IBA57: variants seen among roughly 807,000 people sequenced by gnomAD.
IBA57 encodes the protein iron-sulfur cluster assembly factor IBA57.
In IBA57, 20 loss-of-function variants were observed where a neutral mutation model predicts 20.4. The ratio of observed to expected loss-of-function variants is 0.98; its 90% confidence interval spans 0.69 to 1.42. The LOEUF (loss-of-function observed/expected upper bound fraction) is 1.42. Among genes scored for constraint, IBA57 ranks in the 40% most tolerant of loss-of-function variants. The pLI is 0.00. For missense variants in IBA57, 608 were observed against 499.3 expected (o/e 1.22, Z -2.07); for synonymous variants, 310 against 233.9 (o/e 1.33, Z -2.97).
rs949574745 is a variant in IBA57 at position 228,180,563 on chromosome 1, T to C, written c.*5050T>C. 1 of 152,136 alleles carries C rather than the reference T, an allele frequency of 6.6e-6. No individual in the cohort carries two copies. The highest frequency in any genetic ancestry group is 2.4e-5 in the African/African-American group (1 of 41,432). 9.4% of individuals were successfully genotyped at this position (152,136 alleles called of 1,614,324 possible). ...GATAATCTCTAAAAGAATGGAAATATATCTTCCAAACTATAGAGGGAAGAC... is the reference window on the plus strand; with the variant it reads ...GATAATCTCTAAAAGAATGGAAATACATCTTCCAAACTATAGAGGGAAGAC... On this transcript the variant is annotated 3_prime_UTR_variant, in exon 3 of 3. Coordinates refer to ENST00000366711, the MANE Select transcript of IBA57 (RefSeq NM_001010867.4).
In IBA57 at chr1:228,175,832, C is replaced by T; in HGVS notation, c.*319C>T. 3.9e-6 allele frequency: 1 copy of T among 254,806 alleles called. No homozygotes were observed. The highest frequency in any genetic ancestry group is 7.5e-6 in the Non-Finnish European group (1 of 134,052). The allele number at this position is 254,806 out of a possible 1,614,324, so 15.8% of individuals were successfully genotyped here. On this transcript the variant is annotated 3_prime_UTR_variant, in exon 3 of 3. Coordinates refer to ENST00000366711, the MANE Select transcript of IBA57 (RefSeq NM_001010867.4). ...TGGGAGGACGGGACGGTGTCTCTGG[C>T]CAGCACTGGCAGCTTCCGGGCCTTG...
chr1:228,175,563 C>T lies in IBA57; in HGVS notation c.*50C>T, dbSNP rs748046249. The T allele has an allele frequency of 3.3e-6, 5 of 1,516,224 alleles. No individual in the cohort carries two copies. The highest frequency in any genetic ancestry group is 1.4e-5 in the African/African-American group (1 of 71,878). 93.9% of individuals were successfully genotyped at this position (1,516,224 alleles called of 1,614,324 possible). ...TGATGGGGAGGCTGGGGCCTGGGGC[C>T]TTTGGCCTCTGTCCAGGGTCTTCCC... On this transcript the variant is annotated 3_prime_UTR_variant, in exon 3 of 3. Transcript: ENST00000366711.
chr1:228,166,169 C>T lies in IBA57; in HGVS notation c.341+12C>T, dbSNP rs1162027200. ...GTCATCTTGTACGGGTGAGCGCGTG[C>T]TGGGAGGGCGCTCGGGGGCGGGCAC... On this transcript the variant is annotated intron_variant, in intron 1 of 2. Transcript: ENST00000366711. The T allele has an allele frequency of 1.4e-6, 2 of 1,429,660 alleles. No individual in the cohort carries two copies. Among genetic ancestry groups the T allele is most frequent in the Admixed American group, 2.6e-5 (1 of 38,340 alleles). The allele number at this position is 1,429,660 out of a possible 1,614,324, so 88.6% of individuals were successfully genotyped here.
rs113022098 is a variant in IBA57, at chr1:228,173,875, T to C, written c.342-817T>C. The stretch of plus-strand genomic sequence containing the variant: ...TGCCAGTCCCTGGGCAAACAGGGTC[T>C]GTCTGCGCTGGCCCCTGTGAGCTCG... On this transcript the variant is annotated intron_variant, in intron 1 of 2. Transcript: ENST00000366711. 4.2e-3 allele frequency among the ~76,000 whole-genome samples: 635 copies of C among 152,336 alleles called. 8 individuals are homozygous for C. The highest frequency in any genetic ancestry group is 0.014 in the African/African-American group (580 of 41,572).
chr1:228,169,955 C>G (rs2034900720), intron 1 of IBA57, among the ~76,000 whole-genome samples: 1 of 152,132 alleles, frequency 6.6e-6, no homozygotes, highest in African/African-American at 2.4e-5. Flanking sequence ...CAACCTCTGC[C>G]TCCCAGGTTC....
intron 2 of IBA57, 39 bp downstream of exon 2, chr1:228,175,068 G>T (rs775746415): frequency 6.3e-7 from 1 of 1,577,812 alleles, no homozygotes. Flanking sequence ...GATTGCACGG[G>T]TGGAGCTGGA....
rs775373524 is a variant in IBA57 at position 228,175,319 on chromosome 1, A to G, written c.877A>G (p.Ile293Val). 1.9e-6 allele frequency: 3 copies of G among 1,612,618 alleles called. No homozygotes were observed. Among genetic ancestry groups the G allele is most frequent in the Non-Finnish European group, 8.5e-7 (1 of 1,179,900 alleles). Residue 293 changes from isoleucine to valine, a missense_variant, in exon 3 of 3, where the codon ATC (isoleucine) becomes GTC (valine). By Grantham distance (29) the Ile-to-Val change is conservative (BLOSUM62 3). Coordinates refer to ENST00000366711, the MANE Select transcript of IBA57 (RefSeq NM_001010867.4). ...CTTGGACCCCCTTCCCACCAGTGGC[A>G]TCACCCCTGGTGCCACGGTGCTGAC... Reference protein sequence around the residue: ...RFLDPLPTSGITPGATVLTAS... With the variant: ...RFLDPLPTSGVTPGATVLTAS...
intron 1 of IBA57, 25 bp downstream of exon 1, chr1:228,166,182 CG>C (rs1378686952): frequency 2.6e-6 from 3 of 1,162,550 alleles, no homozygotes; most frequent in Non-Finnish European, 2.2e-6. Flanking sequence ...GGAGGGCGCT[CG>C]GGGGCGGGCA....
rs2034902967 is a variant in IBA57 at position 228,170,136 on chromosome 1, T to G, written c.341+3979T>G. 1.3e-5 allele frequency among the ~76,000 whole-genome samples: 2 copies of G among 152,198 alleles called. No homozygotes were observed. The highest frequency in any genetic ancestry group is 6.5e-5 in the Admixed American group (1 of 15,282). On this transcript the variant is annotated intron_variant, in intron 1 of 2. Coordinates refer to ENST00000366711, the MANE Select transcript of IBA57 (RefSeq NM_001010867.4). The surrounding 1 kb of genome is among the most constrained non-coding windows in gnomAD (Gnocchi z 4.8). ...CGCCCGCCTCGGCCTCCCAAAGTGC[T>G]GGGATTACAGGCGTGAGCCACGGCG...
rs2035120045 is a variant in IBA57, at chr1:228,182,073, GT to G, written c.*6564del. ...GAGAAATGAAGGATTAATACATTTT[GT>G]TTTATGTCAGACTCTCTCAGTGAGA... is the stretch of plus-strand genomic sequence containing the variant. On this transcript the variant is annotated 3_prime_UTR_variant, in exon 3 of 3. Coordinates refer to ENST00000366711, the MANE Select transcript of IBA57 (RefSeq NM_001010867.4). The G allele has an allele frequency of 6.6e-6, 1 of 152,090 alleles. No individual in the cohort carries two copies. Among genetic ancestry groups the G allele is most frequent in the South Asian group, 2.1e-4 (1 of 4,830 alleles). 9.4% of individuals were successfully genotyped at this position (152,090 alleles called of 1,614,324 possible).
Position 228,178,114 on chromosome 1 carries a change from C to T in IBA57, c.*2601C>T, listed in dbSNP as rs1373805402. On this transcript the variant is annotated 3_prime_UTR_variant, in exon 3 of 3. Transcript: ENST00000366711. The stretch of plus-strand genomic sequence containing the variant: ...CTTCTTACCCTCACACCTCCTGCCT[C>T]CCCTCGTTAGAGTCCCCCACATCCG... 1 of 152,224 alleles carries T rather than the reference C, an allele frequency of 6.6e-6. No individual in the cohort carries two copies. Among genetic ancestry groups the T allele is most frequent in the Non-Finnish European group, 1.5e-5 (1 of 68,084 alleles). The allele number at this position is 152,224 out of a possible 1,614,324, so 9.4% of individuals were successfully genotyped here.
chr1:228,173,839 T>C (rs2034960168), intron 1 of IBA57, among the ~76,000 whole-genome samples: 2 of 152,218 alleles, frequency 1.3e-5, no homozygotes, highest in Non-Finnish European at 2.9e-5. Flanking sequence ...TCGGGCAGGC[T>C]ATTGCAGTTC....
intron 1 of IBA57, among the ~76,000 whole-genome samples, chr1:228,167,355 CTT>C (rs56835417): frequency 0.24 from 29,206 of 123,760 alleles, 2,885 homozygotes; most frequent in Admixed American, 0.28. Context: ...TCTGGGGCTT[CTT>C]TTTTTTTTTT....
At chr1:228,166,460 T>G (rs2034854954) in intron 1 of IBA57, among the ~76,000 whole-genome samples, 1 of 152,052 alleles carries the variant, frequency 6.6e-6, no homozygotes, top group African/African-American at 2.4e-5. Flanking sequence ...CAGCGACTCA[T>G]CCAGGGGAGG....
At chr1:228,167,060 C>G (rs982158928) in intron 1 of IBA57, among the ~76,000 whole-genome samples, 2 of 152,234 alleles carry the variant, frequency 1.3e-5, no homozygotes, top group African/African-American at 4.8e-5. Context: ...GTTCACATCA[C>G]AACTTTGTTT....
At position 228,170,545 on chromosome 1, in the gene IBA57, A is replaced by G. The variant is rs1041910809; in HGVS notation, c.342-4147A>G. Among the ~76,000 whole-genome samples, 4 of 152,130 alleles carry G rather than the reference A, an allele frequency of 2.6e-5. No individual in the cohort carries two copies. The highest frequency in any genetic ancestry group is 9.7e-5 in the African/African-American group (4 of 41,412). ...TGGGCTCAGGCGATTCTCCTGCCTC[A>G]GCTTCACAAAGTGTTGGGATTGCGG... On this transcript the variant is annotated intron_variant, in intron 1 of 2. Transcript: ENST00000366711. This position sits in a 1 kb window ranked among gnomAD's most constrained non-coding sequence, Gnocchi z 4.8.
Position 228,175,529 on chromosome 1 carries a change from G to A in IBA57, c.*16G>A. 6.5e-7 allele frequency: 1 copy of A among 1,538,614 alleles called. No individual in the cohort carries two copies. Among genetic ancestry groups the A allele is most frequent in the Non-Finnish European group, 8.8e-7 (1 of 1,141,518 alleles). ...CTCCAAGTAGTCCGAAGCCTTGGCT[G>A]GCGCAGGCTGATGGGGAGGCTGGGG... On this transcript the variant is annotated 3_prime_UTR_variant, in exon 3 of 3. Coordinates refer to ENST00000366711, the MANE Select transcript of IBA57 (RefSeq NM_001010867.4).
At position 228,175,497 on chromosome 1, in the gene IBA57, C is replaced by T. The variant is rs768607404; in HGVS notation, c.1055C>T (p.Pro352Leu). 3 of 1,575,184 alleles carry T rather than the reference C, an allele frequency of 1.9e-6. No individual in the cohort carries two copies. The Admixed American group carries it at 5.3e-5, about 28-fold the overall frequency. ...ALAASVPDWW[P>L]TVSK ...GCCGCATCTGTGCCAGACTGGTGGC[C>T]TACAGTCTCCAAGTAGTCCGAAGCC... The change falls in exon 3 of 3, where the codon CCT becomes CTT. Residue 352 changes from proline (P) to leucine (L), a missense_variant. By Grantham distance (98) the Pro-to-Leu change is moderately conservative (BLOSUM62 -3). Coordinates refer to ENST00000366711, the MANE Select transcript of IBA57 (RefSeq NM_001010867.4).
intron 1 of IBA57, 117 bp downstream of exon 1, chr1:228,166,274 C>G (rs1362804821): frequency 2.1e-3 from 135 of 63,626 alleles, no homozygotes; most frequent in South Asian, 8.1e-3. Flanking sequence ...GGTGGGCACC[C>G]GGGGAGGGCC....
Sources: gnomAD v4.1 joint callset for allele counts (sites outside exome capture counted in the v4.1 genomes callset) on GRCh38, gnomAD v4.1.1 for gene constraint, Gnocchi (gnomAD v3.1) non-coding constraint, MANE v1.5 for transcripts, NCBI Gene and HGNC (gene_info 2026-07-23, HGNC 2026-07-21) for gene names.